STX1A: variants seen among roughly 807,000 people sequenced by gnomAD.
STX1A encodes the protein syntaxin-1A.
STX1A carries 4 observed loss-of-function variants against 37.8 expected under a neutral mutation model. The observed-to-expected ratio is 0.11, with a 90% CI of 0.05 to 0.24. The LOEUF is 0.24. STX1A is among the 10% of genes least tolerant of loss of function. The pLI is 1.00. For synonymous variants in STX1A, 135 were observed against 147.4 expected (o/e 0.92, Z 0.61); for missense variants, 251 against 399.9 (o/e 0.63, Z 3.18).
rs782676337 is a variant in STX1A at position 73,702,780 on chromosome 7, G to A, written c.678+65C>T. 34 of 1,609,034 alleles carry A rather than the reference G, an allele frequency of 2.1e-5. No homozygotes were observed. Among genetic ancestry groups the A allele is most frequent in the South Asian group, 1.7e-4 (15 of 90,898 alleles). On this transcript the variant is annotated intron_variant, in intron 8 of 9. Transcript: ENST00000222812. The surrounding 1 kb of genome is among the most constrained non-coding windows in gnomAD (Gnocchi z 4.7). ...GGGCAGCGTGTCGGGCAGAAAGGGC[G>A]AGGTTAGTGCAGCCCTGGGTGCTGG...
intron 6 of STX1A, 159 bp downstream of exon 6, chr7:73,703,989 C>T (rs1798769318): frequency 9.9e-6 from 10 of 1,013,598 alleles, no homozygotes; most frequent in Non-Finnish European, 1.4e-5. Flanking sequence ...GCAGCCGCCT[C>T]AGGCCCCCGC....
Position 73,700,639 on chromosome 7 carries a change from G to T in STX1A, c.789+91C>A. The T allele has an allele frequency of 6.4e-7, 1 of 1,551,272 alleles. No individual in the cohort carries two copies. Among genetic ancestry groups the T allele is most frequent in the Non-Finnish European group, 8.8e-7 (1 of 1,138,710 alleles). ...CTGTCATGGGGAGCTCCTGAGAGAA[G>T]GGAGAGAGGTGGGATGGGGAGGGAT... On this transcript the variant is annotated intron_variant, in intron 9 of 9. Coordinates refer to ENST00000222812, the MANE Select transcript of STX1A (RefSeq NM_004603.4). The surrounding 1 kb of genome is among the most constrained non-coding windows in gnomAD (Gnocchi z 4.4).
At chr7:73,718,475 G>A (rs1169180134) in intron 1 of STX1A, among the ~76,000 whole-genome samples, 2 of 152,138 alleles carry the variant, frequency 1.3e-5, no homozygotes, top group African/African-American at 4.8e-5. Flanking sequence ...CATAGGAGGG[G>A]ACCTTAGGGT....
At position 73,702,453 on chromosome 7, in the gene STX1A, G is replaced by C. The variant is rs1281713379; in HGVS notation, c.678+392C>G. 5.1e-6 allele frequency: 2 copies of C among 391,194 alleles called. No homozygotes were observed. The highest frequency in any genetic ancestry group is 9.0e-6 in the Non-Finnish European group (2 of 221,670). The allele number at this position is 391,194 out of a possible 1,614,324, so 24.2% of individuals were successfully genotyped here. A position where few individuals can be genotyped will look rare whatever the true frequency, so the allele number is the denominator to read the frequency against. Reference sequence around the variant, plus strand: ...AGCCCCACTGGAGAACCTTCGATTTGTTCTTAGGCAACTCTTTTGCCCAAC... The same window carrying C: ...AGCCCCACTGGAGAACCTTCGATTTCTTCTTAGGCAACTCTTTTGCCCAAC... On this transcript the variant is annotated intron_variant, in intron 8 of 9. Transcript: ENST00000222812. The surrounding 1 kb of genome is among the most constrained non-coding windows in gnomAD (Gnocchi z 4.7).
intron 8 of STX1A, chr7:73,701,134 G>C (rs1798637929): frequency 6.7e-6 from 4 of 598,040 alleles, no homozygotes; most frequent in Non-Finnish European, 3.0e-6. Flanking sequence ...TCAGAGATGT[G>C]GCAGTGCCAG....
chr7:73,716,395 A>G (rs1332247958), intron 1 of STX1A, among the ~76,000 whole-genome samples: 1 of 152,262 alleles, frequency 6.6e-6, no homozygotes, highest in African/African-American at 2.4e-5. Context: ...ACTGATGGGC[A>G]AAGCAGGGCC....
chr7:73,716,075 T>C (rs1420383523), intron 1 of STX1A, among the ~76,000 whole-genome samples: 1 of 152,194 alleles, frequency 6.6e-6, no homozygotes, highest in Non-Finnish European at 1.5e-5. Context: ...TTTCTGGACC[T>C]GTTTTCTGAT....
At chr7:73,703,249 G>A in intron 7 of STX1A, 2 of 575,928 alleles carry the variant, frequency 3.5e-6, no homozygotes, top group South Asian at 3.8e-5. Flanking sequence ...CTCAGTGACA[G>A]TCCTTATCAC....
At chr7:73,703,985 G>A (rs1798769234) in intron 6 of STX1A, 157 bp from the exon 7 acceptor site, 3 of 273,240 alleles carry the variant, frequency 1.1e-5, no homozygotes, top group African/African-American at 3.7e-5. Flanking sequence ...CACAGCAGCC[G>A]CCTCAGGCCC....
chr7:73,718,615 AC>A (rs1224755321), intron 1 of STX1A, among the ~76,000 whole-genome samples: 4 of 149,488 alleles, frequency 2.7e-5, no homozygotes, highest in Non-Finnish European at 4.5e-5. Context: ...GCCTTGATCC[AC>A]CCCCCCTCCC....
In STX1A at chr7:73,700,362, C is replaced by T. The variant is rs1413518141; in HGVS notation, c.*45G>A. On this transcript the variant is annotated 3_prime_UTR_variant, in exon 10 of 10. Coordinates refer to ENST00000222812, the MANE Select transcript of STX1A (RefSeq NM_004603.4). The surrounding 1 kb of genome is among the most constrained non-coding windows in gnomAD (Gnocchi z 4.4). ...AGCCAGGTGGCAGCAGCCAGGGCCT[C>T]CTTGGAGTGGCCCACCTGGAGTGGA... The T allele has an allele frequency of 1.9e-6, 3 of 1,606,384 alleles. No individual in the cohort carries two copies. Among genetic ancestry groups the T allele is most frequent in the Non-Finnish European group, 2.6e-6 (3 of 1,173,256 alleles).
chr7:73,707,731 C>T (rs1199605982), intron 3 of STX1A, among the ~76,000 whole-genome samples: 4 of 149,452 alleles, frequency 2.7e-5, no homozygotes, highest in Admixed American at 2.0e-4. Flanking sequence ...GTCGGGAGTT[C>T]GAGACCAGCC....
chr7:73,704,546 G>A, intron 4 of STX1A, 123 bp from the exon 5 acceptor site: 3 of 1,255,054 alleles, frequency 2.4e-6, no homozygotes, highest in Non-Finnish European at 3.4e-6. Flanking sequence ...TGTGGCTGGT[G>A]GGATCAGTGC....
intron 1 of STX1A, among the ~76,000 whole-genome samples, 159 bp downstream of exon 1, chr7:73,719,443 G>A (rs1472205165): frequency 6.6e-6 from 1 of 152,146 alleles, no homozygotes; most frequent in South Asian, 2.1e-4. Context: ...GGCGGAACCC[G>A]GAGGGGGGTC....
chr7:73,707,688 C>T (rs1413539023), intron 3 of STX1A, among the ~76,000 whole-genome samples: 1 of 151,960 alleles, frequency 6.6e-6, no homozygotes, highest in Non-Finnish European at 1.5e-5. Context: ...AATCCCAGCA[C>T]TTTGGGAGGC....
At position 73,702,762 on chromosome 7, in the gene STX1A, G is replaced by A. The variant is rs782736497; in HGVS notation, c.678+83C>T. 2.4e-5 allele frequency: 38 copies of A among 1,601,346 alleles called. No individual in the cohort carries two copies. The highest frequency in any genetic ancestry group is 1.5e-4 in the Admixed American group (9 of 59,484). ...CTTGGTCCCTCCCCGGCAGGGCAGC[G>A]TGTCGGGCAGAAAGGGCGAGGTTAG... is the stretch of plus-strand genomic sequence containing the variant. On this transcript the variant is annotated intron_variant, in intron 8 of 9. Transcript: ENST00000222812. This position sits in a 1 kb window ranked among gnomAD's most constrained non-coding sequence, Gnocchi z 4.7.
At chr7:73,712,505 C>T (rs1414348740) in intron 1 of STX1A, among the ~76,000 whole-genome samples, 1 of 152,068 alleles carries the variant, frequency 6.6e-6, no homozygotes, top group African/African-American at 2.4e-5. Flanking sequence ...CTTGTTCTTC[C>T]ACACGCCATT....
At position 73,706,591 on chromosome 7, in the gene STX1A, A is replaced by G. The variant is rs924522732; in HGVS notation, c.209-1367T>C. On this transcript the variant is annotated intron_variant, in intron 3 of 9. Transcript: ENST00000222812. The surrounding 1 kb of genome is among the most constrained non-coding windows in gnomAD (Gnocchi z 4.6). ...TCAGAACCGGTCCCTATGACTGTGC[A>G]TGACACCGCAGCAGGAGACGGTGCA... Among the ~76,000 whole-genome samples, 1 of 152,108 alleles carries G rather than the reference A, an allele frequency of 6.6e-6. No individual in the cohort carries two copies. Among genetic ancestry groups the G allele is most frequent in the Non-Finnish European group, 1.5e-5 (1 of 68,008 alleles).
chr7:73,717,885 C>CA lies in STX1A; in HGVS notation c.30+1716dup. Among the ~76,000 whole-genome samples the CA allele has an allele frequency of 6.6e-6, 1 of 152,174 alleles. No homozygotes were observed. The highest frequency in any genetic ancestry group is 1.5e-5 in the Non-Finnish European group (1 of 68,018). On this transcript the variant is annotated intron_variant, in intron 1 of 9. Transcript: ENST00000222812. The surrounding 1 kb of genome is among the most constrained non-coding windows in gnomAD (Gnocchi z 4.1). The stretch of plus-strand genomic sequence containing the variant: ...AGTCTGACTATCTTCAGGGATGAGG[C>CA]AAAGCCCTTTTCTACCACCCCTCCC...
Sources: allele counts gnomAD v4.1 joint callset (sites outside exome capture counted in the v4.1 genomes callset), GRCh38; gene constraint gnomAD v4.1.1; non-coding constraint Gnocchi (gnomAD v3.1); transcripts MANE v1.5; gene names NCBI Gene and HGNC (gene_info 2026-07-23, HGNC 2026-07-21).